Variants in FAAH2 observed in about 807,000 individuals in gnomAD.
The protein encoded by FAAH2 is fatty acid amide hydrolase 2, also known as fatty-acid amide hydrolase 2.
A neutral mutation model predicts 36.9 loss-of-function variants in FAAH2; 60 were observed. The observed-to-expected ratio is 1.63, with a 90% CI of 1.32 to 2.02. FAAH2 has a LOEUF of 2.02. Ranked by LOEUF, FAAH2 falls within the 30% of genes most tolerant of loss-of-function variation. The pLI, the probability that FAAH2 is intolerant of heterozygous loss-of-function variation, is 0.00. For synonymous variants in FAAH2, 214 were observed against 143.8 expected, an observed-to-expected ratio of 1.49 and a Z score of -3.49; for missense variants, 689 against 397.5, an observed-to-expected ratio of 1.73 and a Z score of -6.23.
intron 8 of FAAH2, among the ~76,000 whole-genome samples, chrX:57,445,046 CA>C (rs1319728963): frequency 8.9e-6 from 1 of 111,732 alleles, no homozygotes; most frequent in East Asian, 2.8e-4. Context: ...TGCTTATGTA[CA>C]TTTATTAATG....
intron 1 of FAAH2, among the ~76,000 whole-genome samples, chrX:57,288,987 C>A (rs1342979953): frequency 9.0e-6 from 1 of 111,488 alleles, no homozygotes; most frequent in East Asian, 2.8e-4. Context: ...CATTTTTAAA[C>A]ATGGAAATAT....
chrX:57,386,977 T>C (rs941836953), intron 7 of FAAH2, among the ~76,000 whole-genome samples: 2 of 112,141 alleles, frequency 1.8e-5, no homozygotes, highest in Non-Finnish European at 3.8e-5. Context: ...TCATTTCATA[T>C]TGGATAAGTT....
chrX:57,320,042 A>G (rs962111426), intron 3 of FAAH2, among the ~76,000 whole-genome samples: 12 of 112,092 alleles, frequency 1.1e-4, no homozygotes, highest in African/African-American at 3.9e-4. Context: ...ACTTAAACTT[A>G]AGACTTAAAA....
intron 1 of FAAH2, among the ~76,000 whole-genome samples, chrX:57,288,338 CTTTTTTTTTTTTTTTT>C (rs771871081): frequency 2.5e-5 from 1 of 40,363 alleles, no homozygotes; most frequent in Non-Finnish European, 4.0e-5. Flanking sequence ...AAAAACATTT[CTTTTTTTTTTTTTTTT>C]TTTTTTTTTT....
At chrX:57,465,659 A>G (rs768260714) in intron 10 of FAAH2, among the ~76,000 whole-genome samples, 1 of 111,677 alleles carries the variant, frequency 9.0e-6, no homozygotes, top group African/African-American at 3.2e-5. Flanking sequence ...TGTTGCTAGG[A>G]GATCATCTTT....
intron 7 of FAAH2, among the ~76,000 whole-genome samples, chrX:57,412,729 G>C (rs760207325): frequency 9.0e-6 from 1 of 111,687 alleles, no homozygotes; most frequent in African/African-American, 3.3e-5. Context: ...AATCCTTTGG[G>C]TATATACCCA....
chrX:57,193,206 G>A, the FAAH2 span, among the ~76,000 whole-genome samples: 1 of 111,429 alleles, frequency 9.0e-6, no homozygotes, highest in African/African-American at 3.3e-5. Flanking sequence ...CCTCTAAATG[G>A]CCCCCTTGGG....
At chrX:57,175,803 ATACTT>A in the FAAH2 span, among the ~76,000 whole-genome samples, 5 of 111,559 alleles carry the variant, frequency 4.5e-5, no homozygotes, top group African/African-American at 1.6e-4. Flanking sequence ...TGTCTGAAAA[ATACTT>A]TATTTCTTCT....
chrX:57,427,843 CAA>C (rs35690310), intron 7 of FAAH2, among the ~76,000 whole-genome samples: 58,546 of 110,342 alleles, frequency 0.53, 13,730 homozygotes, highest in Non-Finnish European at 0.73. Flanking sequence ...AAAACTGAAA[CAA>C]GACAAAAATG....
chrX:57,274,934 G>T, the FAAH2 span, among the ~76,000 whole-genome samples: 10 of 111,851 alleles, frequency 8.9e-5, no homozygotes, highest in Admixed American at 9.5e-4. Flanking sequence ...GCAATAAAGT[G>T]TATTCAGATA....
At chrX:57,147,256 T>C in the FAAH2 span, among the ~76,000 whole-genome samples, 1 of 111,887 alleles carries the variant, frequency 8.9e-6, no homozygotes, top group South Asian at 3.7e-4. Flanking sequence ...TATTGGTCTG[T>C]TCAGGGTTTC....
chrX:57,469,849 G>A (rs1194345354), intron 10 of FAAH2, among the ~76,000 whole-genome samples: 1 of 111,770 alleles, frequency 8.9e-6, no homozygotes, highest in Admixed American at 9.5e-5. Context: ...ATAGTTGGAA[G>A]TAAAGCACTC....
At chrX:57,247,249 T>C in the FAAH2 span, among the ~76,000 whole-genome samples, 2 of 111,511 alleles carry the variant, frequency 1.8e-5, no homozygotes, top group African/African-American at 6.5e-5. Flanking sequence ...GAAATAAGGA[T>C]AAGTTACATA....
chrX:57,353,506 A>G (rs1268155984), intron 5 of FAAH2, among the ~76,000 whole-genome samples: 1 of 108,932 alleles, frequency 9.2e-6, no homozygotes, highest in Non-Finnish European at 1.9e-5. Context: ...AAAAAGAAAA[A>G]AAAGAAAACC....
At chrX:57,155,148 G>C in the FAAH2 span, among the ~76,000 whole-genome samples, 6 of 112,106 alleles carry the variant, frequency 5.4e-5, no homozygotes, top group Admixed American at 5.7e-4. Context: ...CACTGGTTTT[G>C]TGCTGGTTGG....
the FAAH2 span, among the ~76,000 whole-genome samples, chrX:57,267,977 G>A: frequency 8.9e-6 from 1 of 112,526 alleles, no homozygotes; most frequent in Admixed American, 9.4e-5. Flanking sequence ...TCTTCAGCAA[G>A]GATTCAGAAC....
intron 5 of FAAH2, among the ~76,000 whole-genome samples, chrX:57,349,559 ATATC>A (rs1225532794): frequency 1.9e-5 from 2 of 105,013 alleles, no homozygotes; most frequent in African/African-American, 3.4e-5. Flanking sequence ...TTATATATAT[ATATC>A]TATTTTAAAA....
At chrX:57,342,873 T>A (rs2053721282) in intron 5 of FAAH2, among the ~76,000 whole-genome samples, 1 of 111,710 alleles carries the variant, frequency 9.0e-6, no homozygotes, top group Non-Finnish European at 1.9e-5. Context: ...GAAGATGTGG[T>A]AGTTTCTTTT....
chrX:57,457,546 C>T (rs181100341), intron 10 of FAAH2, among the ~76,000 whole-genome samples: 1 of 110,015 alleles, frequency 9.1e-6, no homozygotes, highest in African/African-American at 3.3e-5. Flanking sequence ...CCTAGAAAAC[C>T]CTAAAGACTC....
Sources: allele counts gnomAD v4.1 joint callset (sites outside exome capture counted in the v4.1 genomes callset), GRCh38; gene constraint gnomAD v4.1.1; transcripts MANE v1.5; gene names NCBI Gene and HGNC (gene_info 2026-07-23, HGNC 2026-07-21).